The following CRHR1 variants were observed in gnomAD, a reference collection of about 807,000 sequenced individuals.
CRHR1 encodes corticotropin releasing hormone receptor 1.
CRHR1 carries 28 observed loss-of-function variants against 56.0 expected under a neutral mutation model. The observed-to-expected ratio is 0.50, with a 90% confidence interval of 0.37 to 0.69. CRHR1 has a LOEUF of 0.69. Ranked by LOEUF, CRHR1 falls within the 30% of genes least tolerant of loss-of-function variation. The pLI is 0.00. For missense variants in CRHR1, 376 were observed against 548.0 expected, an observed-to-expected ratio of 0.69 and a Z score of 3.13; for synonymous variants, 195 against 216.5, an observed-to-expected ratio of 0.90 and a Z score of 0.87.
At chr17:45,807,872 C>A (rs943053158) in intron 2 of CRHR1, among the ~76,000 whole-genome samples, 1 of 152,180 alleles carries the variant, frequency 6.6e-6, no homozygotes, top group Non-Finnish European at 1.5e-5. Context: ...AGTTACATAA[C>A]CCCCATGGCA....
chr17:45,795,249 T>C (rs1160459375), intron 1 of CRHR1, among the ~76,000 whole-genome samples: 1 of 152,180 alleles, frequency 6.6e-6, no homozygotes, highest in Non-Finnish European at 1.5e-5. Flanking sequence ...TCTTCCTGCC[T>C]TGAAGGTGCC....
intron 1 of CRHR1, chr17:45,800,936 G>A (rs774942543): frequency 2.6e-5 from 4 of 152,198 alleles, no homozygotes; most frequent in Non-Finnish European, 4.4e-5. Context: ...GTTAATTACC[G>A]AATCATCACA....
chr17:45,813,882 T>C (rs970488320), intron 2 of CRHR1, among the ~76,000 whole-genome samples: 1 of 152,216 alleles, frequency 6.6e-6, no homozygotes, highest in Non-Finnish European at 1.5e-5. Context: ...CTTGAAGGTC[T>C]CCACGTCCCT....
rs780319071 is a variant in CRHR1, at chr17:45,830,930, G to A, written c.760G>A (p.Asp254Asn). The change falls in exon 8 of 13, where the codon GAC becomes AAC. Residue 254 changes from aspartate to asparagine, a missense_variant. Physicochemically the swap from Asp to Asn is conservative, Grantham distance 23. Around this residue, in one of 2 missense-constraint regions of CRHR1, gnomAD observed 369 missense variants for 519.5 expected, o/e 0.71. Transcript: ENST00000314537. ...CTGGGCCATTGGGAAGCTGTACTACGACAATGAGAAGTAAGTCATCTCCTT... is the reference window on the plus strand; with the variant it reads ...CTGGGCCATTGGGAAGCTGTACTACAACAATGAGAAGTAAGTCATCTCCTT... ...VAWAIGKLYY[D>N]NEKCWFGKRP... 21 of 1,613,754 alleles carry A rather than the reference G, an allele frequency of 1.3e-5. No individual in the cohort carries two copies. The highest frequency in any genetic ancestry group is 3.3e-5 in the Admixed American group (2 of 60,000).
chr17:45,820,934 G>A (rs779850603), intron 3 of CRHR1, among the ~76,000 whole-genome samples: 1 of 152,218 alleles, frequency 6.6e-6, no homozygotes, highest in Non-Finnish European at 1.5e-5. Context: ...GTCATGCCCA[G>A]CCTCGTGAAA....
Position 45,784,506 on chromosome 17 carries a change from G to A in CRHR1, c.-39G>A. On this transcript the variant is annotated 5_prime_UTR_variant, in exon 1 of 13. Transcript: ENST00000314537. The surrounding 1 kb of genome is among the most constrained non-coding windows in gnomAD (Gnocchi z 4.2). ...GCCGGTCCCTCTGGGATGTCCGTAG[G>A]ACCCGGGCATTCAGGACGGTAGCCG... The A allele has an allele frequency of 6.5e-7, 1 of 1,530,574 alleles. No individual in the cohort carries two copies. Among genetic ancestry groups the A allele is most frequent in the Non-Finnish European group, 8.8e-7 (1 of 1,137,770 alleles). The allele number at this position is 1,530,574 out of a possible 1,614,324, so 94.8% of individuals were successfully genotyped here. A position where few individuals can be genotyped will look rare whatever the true frequency, so the allele number is the denominator to read the frequency against.
At chr17:45,821,313 CG>C (rs758069944) in intron 3 of CRHR1, 41 bp from the exon 4 acceptor site, 3 of 1,576,840 alleles carry the variant, frequency 1.9e-6, no homozygotes, top group Admixed American at 1.7e-5. Context: ...AGGCAGGGGC[CG>C]GGGCTGCCCC....
intron 2 of CRHR1, among the ~76,000 whole-genome samples, chr17:45,810,867 C>T (rs2061809585): frequency 6.6e-6 from 1 of 152,258 alleles, no homozygotes; most frequent in South Asian, 2.1e-4. Context: ...CCACCCTCTC[C>T]ATGCCAGGGG....
rs2062280055 is a variant in CRHR1, at chr17:45,830,545, A to G, written c.684A>G (p.Lys228=). The G allele has an allele frequency of 6.2e-7, 1 of 1,612,238 alleles. No homozygotes were observed. The highest frequency in any genetic ancestry group is 1.7e-5 in the Admixed American group (1 of 59,884). The change falls in exon 7 of 13, where the codon AAA becomes AAG. Residue 228 remains lysine (K), a synonymous_variant. Transcript: ENST00000314537. ...VLTYSTDRLR[K]WMFICIGWGV... ...CCTACTCCACTGACCGGCTGCGCAA[A>G]TGGATGTTCATCTGCATTGGCTGGG...
At position 45,830,948 on chromosome 17, in the gene CRHR1, A is replaced by G. The variant is rs2062294625; in HGVS notation, c.770+8A>G. The G allele has an allele frequency of 5.6e-6, 9 of 1,613,590 alleles. No individual in the cohort carries two copies. In the African/African-American group the frequency reaches 6.7e-5, roughly 12 times the overall value. ...GTACTACGACAATGAGAAGTAAGTC[A>G]TCTCCTTTCCCTTCCTGACCCCAAG... On this transcript the variant is annotated splice_region_variant and intron_variant, in intron 8 of 12. Coordinates refer to ENST00000314537, the MANE Select transcript of CRHR1 (RefSeq NM_004382.5).
intron 3 of CRHR1, among the ~76,000 whole-genome samples, chr17:45,818,608 G>A (rs1568055884): frequency 6.6e-6 from 1 of 152,182 alleles, no homozygotes; most frequent in Admixed American, 6.5e-5. Flanking sequence ...CTGGGGTGAT[G>A]GCCTCTCGAC....
rs1191581452 is a variant in CRHR1 at position 45,833,193 on chromosome 17, A to G, written c.826A>G (p.Met276Val). The change falls in exon 9 of 13, where the codon ATG becomes GTG. Residue 276 changes from methionine to valine, a missense_variant. Met to Val is a conservative substitution (Grantham distance 21, BLOSUM62 1). Around this residue, in one of 2 missense-constraint regions of CRHR1, gnomAD observed 369 missense variants for 519.5 expected, o/e 0.71. Coordinates refer to ENST00000314537, the MANE Select transcript of CRHR1 (RefSeq NM_004382.5). ...VYTDYIYQGP[M>V]ILVLLINFIF... The stretch of plus-strand genomic sequence containing the variant: ...CACCGACTACATCTACCAGGGCCCC[A>G]TGATCCTGGTCCTGCTGGTAAGAAC... The G allele has an allele frequency of 1.9e-6, 3 of 1,613,982 alleles. No homozygotes were observed. The highest frequency in any genetic ancestry group is 2.5e-6 in the Non-Finnish European group (3 of 1,180,008).
In CRHR1 at chr17:45,830,568, G is replaced by T; in HGVS notation, c.707G>T (p.Trp236Leu). The change falls in exon 7 of 13, where the codon TGG becomes TTG. Residue 236 changes from tryptophan (W) to leucine (L), a missense_variant and splice_region_variant. This residue lies in a region of CRHR1 where 369 missense variants were observed against 519.5 expected (regional missense o/e 0.71). Coordinates refer to ENST00000314537, the MANE Select transcript of CRHR1 (RefSeq NM_004382.5). ...AAATGGATGTTCATCTGCATTGGCT[G>T]GGGTGAGCTGGGCAGCCACCTCCGC... is the stretch of plus-strand genomic sequence containing the variant. The part of the protein sequence containing the change: ...LRKWMFICIG[W>L]GVPFPIIVAW... 3 of 1,604,302 alleles carry T rather than the reference G, an allele frequency of 1.9e-6. No homozygotes were observed. The highest frequency in any genetic ancestry group is 2.6e-6 in the Non-Finnish European group (3 of 1,174,560).
rs562564849 is a variant in CRHR1, at chr17:45,835,467, C to G, written c.*703C>G. The stretch of plus-strand genomic sequence containing the variant: ...TTCCCCTCACTTAACCACCCCATAC[C>G]AGTCACCTCCTGCTCCTTTTCCTCT... On this transcript the variant is annotated 3_prime_UTR_variant, in exon 13 of 13. Transcript: ENST00000314537. 8.2e-4 allele frequency: 125 copies of G among 153,202 alleles called. No homozygotes were observed. Among genetic ancestry groups the G allele is most frequent in the Non-Finnish European group, 1.5e-3 (102 of 68,584 alleles). 9.5% of individuals were successfully genotyped at this position (153,202 alleles called of 1,614,324 possible). A position where few individuals can be genotyped will look rare whatever the true frequency, so the allele number is the denominator to read the frequency against.
At chr17:45,827,448 C>CAG (rs1568065747) in intron 4 of CRHR1, among the ~76,000 whole-genome samples, 1 of 152,226 alleles carries the variant, frequency 6.6e-6, no homozygotes, top group African/African-American at 2.4e-5. Flanking sequence ...TATTAAATAC[C>CAG]AGCTCCAGAC....
intron 11 of CRHR1, 60 bp downstream of exon 11, chr17:45,833,909 C>T (rs2062377966): frequency 1.2e-6 from 2 of 1,612,292 alleles, no homozygotes; most frequent in African/African-American, 2.7e-5. Context: ...CAAGCAGAGG[C>T]CTGGAGGGCA....
chr17:45,805,171 A>C (rs1212590358), intron 1 of CRHR1, among the ~76,000 whole-genome samples: 1 of 152,180 alleles, frequency 6.6e-6, no homozygotes, highest in African/African-American at 2.4e-5. Flanking sequence ...AACATGGCCC[A>C]GCACTGTTAC....
chr17:45,796,609 C>T (rs907677799), intron 1 of CRHR1, among the ~76,000 whole-genome samples: 3 of 152,152 alleles, frequency 2.0e-5, no homozygotes, highest in Admixed American at 6.5e-5. Flanking sequence ...CAGTCAAAAC[C>T]CTGGGTAAGT....
At position 45,834,721 on chromosome 17, in the gene CRHR1, C is replaced by A. The variant is rs938865386; in HGVS notation, c.1205C>A (p.Thr402Asn). 1.2e-6 allele frequency: 2 copies of A among 1,613,706 alleles called. No individual in the cohort carries two copies. Among genetic ancestry groups the A allele is most frequent in the African/African-American group, 2.7e-5 (2 of 74,930 alleles). Residue 402 changes from threonine to asparagine, a missense_variant, in exon 13 of 13, where the codon ACC becomes AAC. By Grantham distance (65) the Thr-to-Asn change is moderately conservative (BLOSUM62 0). Coordinates refer to ENST00000314537, the MANE Select transcript of CRHR1 (RefSeq NM_004382.5). ...GCCATGTCCATCCCCACCTCCCCAA[C>A]CCGTGTCAGCTTTCACAGCATCAAG... ...ARAMSIPTSP[T>N]RVSFHSIKQS...
Sources: allele counts gnomAD v4.1 joint callset (sites outside exome capture counted in the v4.1 genomes callset), GRCh38; gene constraint gnomAD v4.1.1; regional missense constraint gnomAD v4.1.1; non-coding constraint Gnocchi (gnomAD v3.1); transcripts MANE v1.5; gene names NCBI Gene and HGNC (gene_info 2026-07-23, HGNC 2026-07-21).